Variants in MANBA observed in about 807,000 individuals in gnomAD.
The protein encoded by MANBA is mannosidase beta.
In MANBA, 83 loss-of-function variants were observed where a neutral mutation model predicts 111.1. The ratio of observed to expected loss-of-function variants is 0.75; its 90% CI spans 0.63 to 0.90. The LOEUF (loss-of-function observed/expected upper bound fraction) is 0.90, where lower values mean the gene tolerates loss of function less well. Ranked by LOEUF, MANBA falls within the 40% of genes least tolerant of loss-of-function variation. The pLI is 0.00. For missense variants in MANBA, 1,036 were observed against 1,069.0 expected, an observed-to-expected ratio of 0.97 and a Z score of 0.43; for synonymous variants, 370 against 378.7, an observed-to-expected ratio of 0.98 and a Z score of 0.27.
intron 1 of MANBA, chr4:102,729,424 T>C (rs1177043929): frequency 1.6e-6 from 2 of 1,233,048 alleles, no homozygotes; most frequent in East Asian, 4.6e-5. Context: ...GGAGCGGCTG[T>C]TGTCCATGGG....
At chr4:102,733,696 C>T (rs1435526780) in intron 1 of MANBA, among the ~76,000 whole-genome samples, 2 of 152,162 alleles carry the variant, frequency 1.3e-5, no homozygotes, top group Non-Finnish European at 2.9e-5. Flanking sequence ...GAAAAGTAAC[C>T]TGAAGTAATC....
At chr4:102,721,698 T>C (rs1336377354) in intron 4 of MANBA, among the ~76,000 whole-genome samples, 1 of 152,092 alleles carries the variant, frequency 6.6e-6, no homozygotes, top group East Asian at 1.9e-4. Context: ...ATGATTCCAC[T>C]TATATAACAT....
chr4:102,635,311 G>A (rs1202256303), intron 15 of MANBA, among the ~76,000 whole-genome samples: 1 of 152,182 alleles, frequency 6.6e-6, no homozygotes, highest in Non-Finnish European at 1.5e-5. Context: ...GGAAGGCACA[G>A]TACCTGGTGC....
intron 11 of MANBA, among the ~76,000 whole-genome samples, chr4:102,663,371 T>C (rs970609144): frequency 1.3e-5 from 2 of 152,224 alleles, no homozygotes; most frequent in East Asian, 1.9e-4. Flanking sequence ...AAAGCCTGCA[T>C]ACTTAACCAC....
intron 4 of MANBA, among the ~76,000 whole-genome samples, chr4:102,718,985 C>T (rs1014856301): frequency 3.3e-5 from 5 of 152,174 alleles, no homozygotes; most frequent in African/African-American, 9.7e-5. Context: ...TTACTGATGA[C>T]AGTCTATGTC....
intron 12 of MANBA, 82 bp downstream of exon 12, chr4:102,657,597 TATG>T (rs1730622344): frequency 9.1e-6 from 10 of 1,104,606 alleles, no homozygotes; most frequent in Non-Finnish European, 4.1e-6. Flanking sequence ...GTAGGTTTCA[TATG>T]ATTTTCTGAA....
chr4:102,679,674 A>G (rs1731875999), intron 7 of MANBA: 1 of 152,196 alleles, frequency 6.6e-6, no homozygotes, highest in East Asian at 1.9e-4. Context: ...TGTTCAACAA[A>G]GGGTATAGCC....
chr4:102,727,899 T>TATGGGG, intron 1 of MANBA: 1 of 521,044 alleles, frequency 1.9e-6, no homozygotes, highest in South Asian at 1.8e-5. Context: ...ATGAGGCTTT[T>TATGGGG]CACTGCAGAG....
intron 5 of MANBA, among the ~76,000 whole-genome samples, chr4:102,692,202 C>T (rs1194562097): frequency 6.6e-6 from 1 of 152,216 alleles, no homozygotes; most frequent in African/African-American, 2.4e-5. Context: ...TATAAAATCT[C>T]TCTGTGTACA....
At position 102,635,013 on chromosome 4, in the gene MANBA, G is replaced by A. The variant is rs570620045; in HGVS notation, c.2190C>T (p.Pro730=). 3.4e-5 allele frequency: 55 copies of A among 1,613,982 alleles called. No homozygotes were observed. The highest frequency in any genetic ancestry group is 5.3e-5 in the African/African-American group (4 of 74,906). ...AACGTTCAGTCACACGAGAGCACAC[G>A]GGCTCCAGGGAGCTCCATGTATGGA... ...VRVHTWSSLE[P]VCSRVTERFV... Residue 730 remains proline, a synonymous_variant, in exon 16 of 17, where the codon CCC becomes CCT. Coordinates refer to ENST00000647097, the MANE Select transcript of MANBA (RefSeq NM_005908.4).
At chr4:102,677,102 G>T (rs1731761625) in intron 7 of MANBA, among the ~76,000 whole-genome samples, 1 of 152,148 alleles carries the variant, frequency 6.6e-6, no homozygotes, top group African/African-American at 2.4e-5. Context: ...TAATAGAGTT[G>T]TATGTAAGCT....
At chr4:102,685,279 A>G (rs75704844) in intron 7 of MANBA, among the ~76,000 whole-genome samples, 3,188 of 151,862 alleles carry the variant, frequency 0.021, 57 homozygotes, top group African/African-American at 0.051. Flanking sequence ...TGGCTTGTGT[A>G]TTTTTCTGTA....
chr4:102,751,548 CAT>C, intron 1 of MANBA: 1 of 534,150 alleles, frequency 1.9e-6, no homozygotes, highest in South Asian at 1.4e-5. Context: ...GTTCCACAAA[CAT>C]ATGGAGTTTT....
intron 1 of MANBA, chr4:102,751,390 T>C: frequency 1.6e-5 from 7 of 430,614 alleles, no homozygotes; most frequent in South Asian, 1.2e-4. Flanking sequence ...GTCTTGTGTG[T>C]ACTCCTTGCC....
chr4:102,696,823 A>C (rs567164565), intron 5 of MANBA, among the ~76,000 whole-genome samples: 1 of 152,318 alleles, frequency 6.6e-6, no homozygotes, highest in East Asian at 1.9e-4. Flanking sequence ...CATTTAAAGA[A>C]ACAGCAATGA....
intron 1 of MANBA, among the ~76,000 whole-genome samples, chr4:102,733,253 ACT>A (rs1723093633): frequency 6.6e-6 from 1 of 152,190 alleles, no homozygotes; most frequent in Admixed American, 6.5e-5. Context: ...ACTTAATCAA[ACT>A]GAAACTTTAA....
chr4:102,672,086 A>G (rs1163987790), intron 8 of MANBA: 1 of 398,664 alleles, frequency 2.5e-6, no homozygotes, highest in Non-Finnish European at 4.4e-6. Flanking sequence ...TGAAAAGGAA[A>G]AAGATAGAGC....
In MANBA at chr4:102,657,845, A is replaced by G. The variant is rs1260684480; in HGVS notation, c.1541T>C (p.Val514Ala). Residue 514 changes from valine to alanine, a missense_variant, in exon 12 of 17, where the codon GTT becomes GCT. Physicochemically the swap from Val to Ala is moderately conservative, Grantham distance 64 (BLOSUM62 0). Transcript: ENST00000647097. The part of the protein sequence containing the change: ...TSSPTNGAET[V>A]AEAWVSQNPN... ...GTTTTGAGAGACCCAGGCTTCTGCAACAGTTTCAGCCCCATTTGTAGGACT... is the reference window on the plus strand; with the variant it reads ...GTTTTGAGAGACCCAGGCTTCTGCAGCAGTTTCAGCCCCATTTGTAGGACT... 6.2e-7 allele frequency: 1 copy of G among 1,613,804 alleles called. No individual in the cohort carries two copies. Among genetic ancestry groups the G allele is most frequent in the Non-Finnish European group, 8.5e-7 (1 of 1,179,668 alleles).
intron 7 of MANBA, among the ~76,000 whole-genome samples, chr4:102,686,793 T>C (rs997468836): frequency 6.6e-6 from 1 of 152,140 alleles, no homozygotes; most frequent in African/African-American, 2.4e-5. Context: ...CCAACCTTAC[T>C]AATTATGACT....
Sources: allele counts gnomAD v4.1 joint callset (sites outside exome capture counted in the v4.1 genomes callset), GRCh38; gene constraint gnomAD v4.1.1; transcripts MANE v1.5; gene names NCBI Gene and HGNC (gene_info 2026-07-23, HGNC 2026-07-21).